SORCS2: variants seen among roughly 807,000 people sequenced by gnomAD.
The protein encoded by SORCS2 is VPS10 domain-containing receptor SorCS2.
Under a neutral mutation model 141.6 loss-of-function variants are expected in SORCS2, and 100 were observed. That is an observed-to-expected ratio of 0.71 (90% CI 0.60 to 0.83). The LOEUF (loss-of-function observed/expected upper bound fraction) is 0.83. SORCS2 is among the 40% of genes least tolerant of loss of function. The probability of loss-of-function intolerance (pLI) is 0.00; values close to 1 mark genes in which losing one functional copy is unlikely to be tolerated. For synonymous variants in SORCS2, 789 were observed against 676.9 expected (o/e 1.17, Z -2.57); for missense variants, 1,646 against 1,560.2 (o/e 1.05, Z -0.93).
At chr4:7,577,969 A>G (rs1006470923) in intron 3 of SORCS2, among the ~76,000 whole-genome samples, 2 of 151,652 alleles carry the variant, frequency 1.3e-5, no homozygotes, top group African/African-American at 4.8e-5. Context: ...GAAGTCAGCT[A>G]GTGCCATGGT....
Position 7,459,278 on chromosome 4 carries a change from C to T in SORCS2, c.548+62923C>T, listed in dbSNP as rs79453193. Among the ~76,000 whole-genome samples the T allele has an allele frequency of 2.9e-3, 448 of 152,138 alleles. 20 individuals carry two copies. The East Asian group carries it at 0.08, about 27-fold the overall frequency. On this transcript the variant is annotated intron_variant, in intron 2 of 26. Transcript: ENST00000507866. ...TAGAAGAGGGAGGATCCTTTGCACC[C>T]CTAAGTATTGCTATGGAGAAGGCAT...
intron 2 of SORCS2, among the ~76,000 whole-genome samples, chr4:7,475,362 G>C (rs1730227803): frequency 6.6e-6 from 1 of 152,156 alleles, no homozygotes; most frequent in Non-Finnish European, 1.5e-5. Flanking sequence ...GGGTGAGGGG[G>C]CGAGCAAGGA....
chr4:7,339,616 C>T (rs113819400), intron 1 of SORCS2, among the ~76,000 whole-genome samples: 1 of 152,184 alleles, frequency 6.6e-6, no homozygotes, highest in Non-Finnish European at 1.5e-5. Flanking sequence ...CCATTTTTGT[C>T]AGGACACCCA....
At chr4:7,689,763 T>A (rs1724099392) in intron 11 of SORCS2, among the ~76,000 whole-genome samples, 175 bp downstream of exon 11, 1 of 152,242 alleles carries the variant, frequency 6.6e-6, no homozygotes, top group Non-Finnish European at 1.5e-5. Flanking sequence ...GAGAAATGAA[T>A]GCATGGCCCA....
At chr4:7,713,159 C>G (rs1725941671) in intron 15 of SORCS2, among the ~76,000 whole-genome samples, 1 of 152,106 alleles carries the variant, frequency 6.6e-6, no homozygotes, top group East Asian at 1.9e-4. Flanking sequence ...ATGTTCAGAT[C>G]TTAGGAAGGT....
chr4:7,695,308 A>ATGGGTAGG (rs1553905426), intron 11 of SORCS2, among the ~76,000 whole-genome samples: 2 of 11,224 alleles, frequency 1.8e-4, no homozygotes, highest in African/African-American at 7.7e-4. Context: ...GGGTGAGTGA[A>ATGGGTAGG]TGGGTGGGTG....
intron 3 of SORCS2, among the ~76,000 whole-genome samples, chr4:7,582,595 C>T (rs144453316): frequency 0.021 from 3,206 of 152,074 alleles, 63 homozygotes; most frequent in Non-Finnish European, 0.034. Flanking sequence ...GCAGCTCCCT[C>T]GCTGCAATCT....
chr4:7,213,718 G>A (rs1397320480), intron 1 of SORCS2, among the ~76,000 whole-genome samples: 3 of 152,206 alleles, frequency 2.0e-5, no homozygotes, highest in South Asian at 2.1e-4. Flanking sequence ...CTCCCCCTGG[G>A]AACAGCAGAG....
At chr4:7,296,693 G>A (rs917465512) in intron 1 of SORCS2, among the ~76,000 whole-genome samples, 9 of 152,210 alleles carry the variant, frequency 5.9e-5, no homozygotes, top group African/African-American at 9.6e-5. Context: ...TGAGAAGTGC[G>A]GGGAGGGGTG....
intron 3 of SORCS2, among the ~76,000 whole-genome samples, chr4:7,632,850 T>A (rs1203347491): frequency 6.6e-6 from 1 of 151,760 alleles, no homozygotes; most frequent in African/African-American, 2.4e-5. Flanking sequence ...TTAGCCTGTG[T>A]ATGCACAAGA....
intron 1 of SORCS2, among the ~76,000 whole-genome samples, chr4:7,262,449 G>A (rs1266588897): frequency 6.6e-6 from 1 of 150,750 alleles, no homozygotes; most frequent in East Asian, 1.9e-4. Flanking sequence ...ATTCCTGTAG[G>A]CCACTGCTTA....
chr4:7,400,361 T>C (rs1724493749), intron 2 of SORCS2, among the ~76,000 whole-genome samples: 1 of 152,170 alleles, frequency 6.6e-6, no homozygotes, highest in Non-Finnish European at 1.5e-5. Context: ...AAACCTCTTT[T>C]CTTCAAAGAA....
At chr4:7,722,357 G>A (rs1726649638) in intron 18 of SORCS2, among the ~76,000 whole-genome samples, 1 of 152,220 alleles carries the variant, frequency 6.6e-6, no homozygotes, top group Admixed American at 6.5e-5. Flanking sequence ...TGGGTCCTGG[G>A]CTTTGGAGAG....
intron 3 of SORCS2, among the ~76,000 whole-genome samples, chr4:7,597,817 T>C (rs28489290): frequency 6.6e-6 from 1 of 151,940 alleles, no homozygotes; most frequent in Non-Finnish European, 1.5e-5. Flanking sequence ...TTTTCTTTCA[T>C]TGGGAAGCAA....
chr4:7,646,960 G>A (rs1391135642), intron 4 of SORCS2, among the ~76,000 whole-genome samples: 1 of 152,174 alleles, frequency 6.6e-6, no homozygotes, highest in Non-Finnish European at 1.5e-5. Context: ...CACCAGAGGG[G>A]GTTTGGTGGG....
At chr4:7,473,279 G>A (rs562412528) in intron 2 of SORCS2, among the ~76,000 whole-genome samples, 10 of 152,222 alleles carry the variant, frequency 6.6e-5, no homozygotes, top group Admixed American at 2.6e-4. Flanking sequence ...CTGCCCATGC[G>A]GGAGGGGCTG....
intron 2 of SORCS2, among the ~76,000 whole-genome samples, chr4:7,406,512 G>A (rs13110844): frequency 0.42 from 63,642 of 151,424 alleles, 14,503 homozygotes; most frequent in East Asian, 0.52. Context: ...AGGTTTTTCA[G>A]TTTGTTGGCA....
At chr4:7,632,587 C>T (rs753099205) in intron 3 of SORCS2, among the ~76,000 whole-genome samples, 2 of 152,186 alleles carry the variant, frequency 1.3e-5, no homozygotes, top group African/African-American at 4.8e-5. Context: ...GGCTTTTTCT[C>T]CTCTCGCCTC....
intron 1 of SORCS2, among the ~76,000 whole-genome samples, chr4:7,234,912 G>A (rs781314494): frequency 6.6e-6 from 1 of 152,248 alleles, no homozygotes; most frequent in Non-Finnish European, 1.5e-5. Context: ...CCAGGAGGCC[G>A]GGGAAGGCCT....
Sources: allele counts gnomAD v4.1 joint callset (sites outside exome capture counted in the v4.1 genomes callset), GRCh38; gene constraint gnomAD v4.1.1; transcripts MANE v1.5; gene names NCBI Gene and HGNC (gene_info 2026-07-23, HGNC 2026-07-21).